Variants in CBLC observed in about 807,000 individuals in gnomAD.
The protein encoded by CBLC is E3 ubiquitin-protein ligase CBL-C.
CBLC carries 46 observed loss-of-function variants against 58.6 expected under a neutral mutation model. That is an observed-to-expected ratio of 0.79 (90% CI 0.62 to 1.00). The LOEUF (loss-of-function observed/expected upper bound fraction) is 1.00, where lower values mean the gene tolerates loss of function less well. CBLC is among the 50% of genes least tolerant of loss of function. CBLC has a pLI of 0.00. For missense variants in CBLC, 655 were observed against 625.8 expected (o/e 1.05, Z -0.50); for synonymous variants, 271 against 264.2 (o/e 1.03, Z -0.25).
intron 9 of CBLC, among the ~76,000 whole-genome samples, chr19:44,798,690 T>C (rs1599876446): frequency 6.6e-6 from 1 of 152,142 alleles, no homozygotes; most frequent in East Asian, 1.9e-4. Flanking sequence ...GAGCCAAGAT[T>C]GTGCCACTGC....
chr19:44,794,044 C>T, intron 8 of CBLC, 160 bp from the exon 9 acceptor site: 1 of 862,104 alleles, frequency 1.2e-6, no homozygotes, highest in Non-Finnish European at 1.4e-6. Flanking sequence ...TGTGGCTTTC[C>T]CTGGCTGTAA....
intron 2 of CBLC, 69 bp downstream of exon 2, chr19:44,781,120 G>T: frequency 6.3e-7 from 1 of 1,577,242 alleles, no homozygotes; most frequent in African/African-American, 1.3e-5. Flanking sequence ...AGGGGTCCAG[G>T]CCCACAGCTG....
chr19:44,798,900 T>C (rs1968232048), intron 9 of CBLC, among the ~76,000 whole-genome samples: 2 of 152,118 alleles, frequency 1.3e-5, no homozygotes. Flanking sequence ...CATTGGACCC[T>C]TGCTGCTCTT....
chr19:44,784,426 A>G, intron 5 of CBLC, 25 bp downstream of exon 5: 1 of 1,549,916 alleles, frequency 6.5e-7, no homozygotes, highest in Non-Finnish European at 8.8e-7. Flanking sequence ...TGGTAGGAGG[A>G]GGGTGTCAGC....
chr19:44,799,362 C>T (rs1020933234), intron 9 of CBLC, among the ~76,000 whole-genome samples: 3 of 152,100 alleles, frequency 2.0e-5, no homozygotes, highest in African/African-American at 4.8e-5. Context: ...GAGACAGTTT[C>T]GCTCTTGTTG....
chr19:44,796,214 C>T (rs1012640680), intron 9 of CBLC, among the ~76,000 whole-genome samples: 3 of 151,970 alleles, frequency 2.0e-5, no homozygotes, highest in Admixed American at 6.6e-5. Flanking sequence ...GAGACCCTGT[C>T]TCAAAAAACA....
At chr19:44,797,966 C>T (rs1450194094) in intron 9 of CBLC, among the ~76,000 whole-genome samples, 2 of 152,168 alleles carry the variant, frequency 1.3e-5, no homozygotes, top group African/African-American at 2.4e-5. Context: ...TGTGATGGGA[C>T]TGTGTCAGTG....
chr19:44,789,777 C>G (rs1360404660), intron 5 of CBLC, among the ~76,000 whole-genome samples: 1 of 152,092 alleles, frequency 6.6e-6, no homozygotes, highest in African/African-American at 2.4e-5. Context: ...TTTTGTGTGC[C>G]CTACCTTGGG....
At chr19:44,782,613 G>A in intron 4 of CBLC, 122 bp downstream of exon 4, 1 of 765,416 alleles carries the variant, frequency 1.3e-6, no homozygotes, top group East Asian at 2.7e-5. Flanking sequence ...CAGGACCCCA[G>A]AGAGTTGATA....
intron 3 of CBLC, 133 bp from the exon 4 acceptor site, chr19:44,782,237 C>G: frequency 7.6e-7 from 1 of 1,314,170 alleles, no homozygotes; most frequent in African/African-American, 1.5e-5. Flanking sequence ...AGCTTGGGGT[C>G]TTGTAAAAGG....
intron 4 of CBLC, 135 bp from the exon 5 acceptor site, chr19:44,784,129 C>A: frequency 1.4e-6 from 1 of 716,328 alleles, no homozygotes; most frequent in South Asian, 2.6e-5. Context: ...CTAGCACATG[C>A]CGTTGCCTAG....
intron 4 of CBLC, 94 bp from the exon 5 acceptor site, chr19:44,784,170 C>T: frequency 8.2e-7 from 1 of 1,218,316 alleles, no homozygotes; most frequent in Non-Finnish European, 1.1e-6. Flanking sequence ...AGGACCTAGA[C>T]ACCTGGATTC....
At chr19:44,796,344 G>T (rs1001058255) in intron 9 of CBLC, among the ~76,000 whole-genome samples, 1 of 152,112 alleles carries the variant, frequency 6.6e-6, no homozygotes, top group Non-Finnish European at 1.5e-5. Flanking sequence ...AGTCTTTAAG[G>T]CCCCCAAACC....
At chr19:44,780,409 T>A (rs1231616805) in intron 1 of CBLC, among the ~76,000 whole-genome samples, 1 of 151,426 alleles carries the variant, frequency 6.6e-6, no homozygotes, top group Non-Finnish European at 1.5e-5. Context: ...GTGCTGGGAT[T>A]ACAGGCATGA....
In CBLC at chr19:44,793,768, G is replaced by A; in HGVS notation, c.1284+148G>A. On this transcript the variant is annotated intron_variant, in intron 8 of 10. Transcript: ENST00000647358. ...GAAGAGGGGTTGGAGCCTGTACTCT[G>A]AGTCTAAGGGAGGAGGGCTGGGGGT... 3 of 711,728 alleles carry A rather than the reference G, an allele frequency of 4.2e-6. No individual in the cohort carries two copies. The South Asian group carries it at 6.1e-5, about 15-fold the overall frequency. 44.1% of individuals were successfully genotyped at this position (711,728 alleles called of 1,614,324 possible). A position where few individuals can be genotyped will look rare whatever the true frequency, so the allele number is the denominator to read the frequency against.
intron 5 of CBLC, among the ~76,000 whole-genome samples, chr19:44,785,092 C>T (rs952563547): frequency 2.0e-5 from 3 of 150,164 alleles, no homozygotes; most frequent in South Asian, 2.1e-4. Flanking sequence ...CTGCCTCAGC[C>T]GCCTGAGTAG....
At chr19:44,783,463 C>G (rs1967802039) in intron 4 of CBLC, among the ~76,000 whole-genome samples, 1 of 151,614 alleles carries the variant, frequency 6.6e-6, no homozygotes, top group African/African-American at 2.4e-5. Context: ...GAGCCAAGAT[C>G]ACGCCATTGC....
rs1967786886 is a variant in CBLC at position 44,782,841 on chromosome 19, C to T, written c.779+350C>T. Among the ~76,000 whole-genome samples, 4 of 152,216 alleles carry T rather than the reference C, an allele frequency of 2.6e-5. No individual in the cohort carries two copies. In the South Asian group the frequency reaches 8.3e-4, roughly 32 times the overall value. On this transcript the variant is annotated intron_variant, in intron 4 of 10. Transcript: ENST00000647358. ...ATTTCCCACCTGTTGGCATAGGAGACTGAAAAACAAGACATGAGAGTCCTT... is the reference window on the plus strand; with the variant it reads ...ATTTCCCACCTGTTGGCATAGGAGATTGAAAAACAAGACATGAGAGTCCTT...
At position 44,794,245 on chromosome 19, in the gene CBLC, GC is replaced by G. The variant is rs766555920; in HGVS notation, c.1332del (p.Arg445GlyfsTer10). On this transcript the variant is annotated frameshift_variant, in exon 9 of 11. Coordinates refer to ENST00000647358, the MANE Select transcript of CBLC (RefSeq NM_012116.4). LOFTEE classifies it high-confidence loss of function. The stretch of plus-strand genomic sequence containing the variant: ...CTCCATTGCCCCCACGGCCAGATCT[GC>G]CCCCCAGGAAGCCCAGAAATGCCCA... Reference protein sequence around the residue: ...APPLPPRPDLPPRKPRNAQPK... With the variant: ...APPLPPRPDLXPRKPRNAQPK... 2 of 1,612,802 alleles carry G rather than the reference GC, an allele frequency of 1.2e-6. No homozygotes were observed. The highest frequency in any genetic ancestry group is 2.2e-5 in the South Asian group (2 of 90,962).
Sources: allele counts gnomAD v4.1 joint callset (sites outside exome capture counted in the v4.1 genomes callset), GRCh38; gene constraint gnomAD v4.1.1; transcripts MANE v1.5; gene names NCBI Gene and HGNC (gene_info 2026-07-23, HGNC 2026-07-21).